The following EPHA6 variants were observed in gnomAD, a reference collection of about 807,000 sequenced individuals.
EPHA6 encodes the protein ephrin type-A receptor 6.
A neutral mutation model predicts 112.0 loss-of-function variants in EPHA6; 50 were observed. The observed-to-expected ratio is 0.45, with a 90% CI of 0.36 to 0.56. The LOEUF (loss-of-function observed/expected upper bound fraction) is 0.56, where lower values mean the gene tolerates loss of function less well. Ranked by LOEUF, EPHA6 falls within the 20% of genes least tolerant of loss-of-function variation. EPHA6 has a pLI of 0.00. For synonymous variants in EPHA6, 529 were observed against 490.7 expected (o/e 1.08, Z -1.03); for missense variants, 1,280 against 1,417.4 (o/e 0.90, Z 1.56).
chr3:97,084,684 A>G (rs1448362740), intron 3 of EPHA6, among the ~76,000 whole-genome samples: 2 of 152,114 alleles, frequency 1.3e-5, no homozygotes, highest in African/African-American at 2.4e-5. Context: ...CTAGAAATAC[A>G]GCTAACTGAG....
At chr3:97,012,585 ATGTGTGTGTG>A (rs200953475) in intron 3 of EPHA6, among the ~76,000 whole-genome samples, 7 of 141,170 alleles carry the variant, frequency 5.0e-5, no homozygotes, top group African/African-American at 1.1e-4. Context: ...AAATTTATAT[ATGTGTGTGTG>A]TGTGTGTGTG....
At chr3:96,825,306 T>C (rs1336909316) in intron 1 of EPHA6, among the ~76,000 whole-genome samples, 1 of 151,862 alleles carries the variant, frequency 6.6e-6, no homozygotes, top group Non-Finnish European at 1.5e-5. Context: ...AAAAATGTTA[T>C]ATTTAGTGAT....
chr3:97,372,545 C>T (rs528845509), intron 5 of EPHA6, among the ~76,000 whole-genome samples: 1 of 152,024 alleles, frequency 6.6e-6, no homozygotes, highest in Non-Finnish European at 1.5e-5. Context: ...AAATTATTTA[C>T]ATTTTTTATA....
chr3:97,505,495 A>G (rs9830389), intron 10 of EPHA6, among the ~76,000 whole-genome samples: 2,775 of 152,136 alleles, frequency 0.018, 101 homozygotes, highest in African/African-American at 0.064. Flanking sequence ...AGCTTCATCC[A>G]TGTCCCTGCA....
chr3:97,473,550 C>T (rs2091287169), intron 7 of EPHA6, among the ~76,000 whole-genome samples: 1 of 151,878 alleles, frequency 6.6e-6, no homozygotes, highest in Admixed American at 6.6e-5. Context: ...AAACTATATG[C>T]CCCTGATTCA....
At chr3:97,429,295 T>C (rs773246102) in intron 6 of EPHA6, among the ~76,000 whole-genome samples, 2 of 152,170 alleles carry the variant, frequency 1.3e-5, no homozygotes, top group Non-Finnish European at 2.9e-5. Flanking sequence ...TATGCATGTA[T>C]CTTTTTTTCC....
chr3:97,187,420 A>G (rs2077169847), intron 3 of EPHA6, among the ~76,000 whole-genome samples: 1 of 151,842 alleles, frequency 6.6e-6, no homozygotes, highest in South Asian at 2.1e-4. Context: ...AAATACAAAA[A>G]TTAGCTGGGC....
At chr3:96,877,297 A>T (rs1159357983) in intron 2 of EPHA6, among the ~76,000 whole-genome samples, 4 of 152,098 alleles carry the variant, frequency 2.6e-5, no homozygotes, top group African/African-American at 9.7e-5. Flanking sequence ...ATTTTAGACA[A>T]TCCATTTTCT....
intron 5 of EPHA6, among the ~76,000 whole-genome samples, chr3:97,278,745 G>A (rs996832278): frequency 3.9e-5 from 6 of 152,132 alleles, no homozygotes; most frequent in Non-Finnish European, 8.8e-5. Context: ...TCCTGTAGTG[G>A]GTGTAGGTCC....
At chr3:97,425,163 C>A (rs2089006076) in intron 6 of EPHA6, among the ~76,000 whole-genome samples, 1 of 152,134 alleles carries the variant, frequency 6.6e-6, no homozygotes, top group African/African-American at 2.4e-5. Flanking sequence ...CGTGGATCTG[C>A]CGTTCGGGTC....
At chr3:97,186,254 C>T (rs1354703094) in intron 3 of EPHA6, among the ~76,000 whole-genome samples, 2 of 152,068 alleles carry the variant, frequency 1.3e-5, no homozygotes, top group Admixed American at 6.6e-5. Flanking sequence ...GCCCTCTCAG[C>T]CTGCTTCCTA....
At chr3:97,732,667 A>G (rs2035088251) in intron 15 of EPHA6, among the ~76,000 whole-genome samples, 1 of 151,970 alleles carries the variant, frequency 6.6e-6, no homozygotes, top group Non-Finnish European at 1.5e-5. Flanking sequence ...GGCAGGTTAA[A>G]CCTCTTGTTA....
chr3:97,746,522 T>A (rs1459120999), intron 16 of EPHA6, among the ~76,000 whole-genome samples: 1 of 151,878 alleles, frequency 6.6e-6, no homozygotes, highest in African/African-American at 2.4e-5. Context: ...CCAGAATTTA[T>A]AAGATTAATT....
chr3:97,018,672 C>T (rs1419135820), intron 3 of EPHA6, among the ~76,000 whole-genome samples: 9 of 152,164 alleles, frequency 5.9e-5, no homozygotes, highest in South Asian at 2.1e-4. Flanking sequence ...AACATGAAGG[C>T]GGACTAGGAG....
intron 3 of EPHA6, among the ~76,000 whole-genome samples, chr3:97,164,506 T>A (rs1247223372): frequency 6.6e-6 from 1 of 152,116 alleles, no homozygotes; most frequent in Admixed American, 6.6e-5. Flanking sequence ...TACTTTTTAG[T>A]GTTATTATGT....
chr3:97,225,112 C>T (rs2078315585), intron 3 of EPHA6, among the ~76,000 whole-genome samples: 1 of 152,086 alleles, frequency 6.6e-6, no homozygotes, highest in African/African-American at 2.4e-5. Flanking sequence ...CCCGCCACCA[C>T]GCCCAGCTGA....
At chr3:97,537,601 C>T (rs561366846) in intron 11 of EPHA6, among the ~76,000 whole-genome samples, 48 of 152,102 alleles carry the variant, frequency 3.2e-4, no homozygotes, top group East Asian at 5.8e-4. Context: ...TTGTTTGAGA[C>T]GGAGTTTCAC....
At chr3:97,659,309 G>A (rs2094155344) in intron 14 of EPHA6, among the ~76,000 whole-genome samples, 1 of 151,976 alleles carries the variant, frequency 6.6e-6, no homozygotes, top group Non-Finnish European at 1.5e-5. Context: ...GAAAGGAGTA[G>A]AGAGAAACTT....
intron 5 of EPHA6, among the ~76,000 whole-genome samples, chr3:97,272,466 C>T (rs1055104381): frequency 6.6e-5 from 10 of 152,144 alleles, no homozygotes; most frequent in African/African-American, 2.4e-4. Context: ...GATATTTTCA[C>T]TTGCGTCCGT....
Sources: gnomAD v4.1 joint callset for allele counts (sites outside exome capture counted in the v4.1 genomes callset) on GRCh38, gnomAD v4.1.1 for gene constraint, MANE v1.5 for transcripts, NCBI Gene and HGNC (gene_info 2026-07-23, HGNC 2026-07-21) for gene names.